Variants in NFKB1 observed in about 807,000 individuals in gnomAD.
The protein encoded by NFKB1 is nuclear factor kappa B subunit 1.
A neutral mutation model predicts 105.1 loss-of-function variants in NFKB1; 9 were observed. The observed-to-expected ratio is 0.09, with a 90% CI of 0.05 to 0.15. NFKB1 has a LOEUF of 0.15. Among genes scored for constraint, NFKB1 ranks in the 10% least tolerant of loss-of-function variants. The probability of loss-of-function intolerance (pLI) is 1.00; values close to 1 mark genes in which losing one functional copy is unlikely to be tolerated. For missense variants in NFKB1, 830 were observed against 1,203.7 expected (o/e 0.69, Z 4.59); for synonymous variants, 440 against 442.2 (o/e 1.00, Z 0.06).
chr4:102,574,317 C>T (rs971472793), intron 6 of NFKB1, among the ~76,000 whole-genome samples: 1 of 152,164 alleles, frequency 6.6e-6, no homozygotes, highest in Non-Finnish European at 1.5e-5. Context: ...GAATTTTCAA[C>T]CTGATGCTCC....
intron 1 of NFKB1, among the ~76,000 whole-genome samples, chr4:102,521,751 G>C (rs1740587660): frequency 6.6e-6 from 1 of 152,140 alleles, no homozygotes; most frequent in Admixed American, 6.5e-5. Flanking sequence ...AGAAGCTCAT[G>C]TGCTACACTT....
At chr4:102,530,373 C>A (rs1741208115) in intron 3 of NFKB1, among the ~76,000 whole-genome samples, 1 of 152,088 alleles carries the variant, frequency 6.6e-6, no homozygotes, top group Non-Finnish European at 1.5e-5. Context: ...AAGCTTATAA[C>A]TTTGCACTCT....
At position 102,524,939 on chromosome 4, in the gene NFKB1, T is replaced by C. The variant is rs565308026; in HGVS notation, c.-7-573T>C. Among the ~76,000 whole-genome samples the C allele has an allele frequency of 3.3e-5, 5 of 152,152 alleles. No homozygotes were observed. The South Asian group carries it at 6.2e-4, about 19-fold the overall frequency. ...CTGGCTTGCCTACTGCTCACCTCTT[T>C]TTGTGCTGCGTTATCCATAGCCCAG... On this transcript the variant is annotated intron_variant, in intron 1 of 23. Transcript: ENST00000226574.
chr4:102,583,072 T>A, intron 10 of NFKB1, 115 bp downstream of exon 10: 1 of 638,042 alleles, frequency 1.6e-6, no homozygotes, highest in Non-Finnish European at 2.6e-6. Context: ...CCCCAACTGT[T>A]GGGCTTGAGG....
At chr4:102,608,658 CT>C (rs11336046) in intron 19 of NFKB1, among the ~76,000 whole-genome samples, 92,703 of 147,030 alleles carry the variant, frequency 0.63, 29,555 homozygotes, top group African/African-American at 0.79. Flanking sequence ...ACTTTAGAGG[CT>C]TTTTTTTTTT....
intron 15 of NFKB1, 113 bp downstream of exon 15, chr4:102,597,774 A>G (rs1433993822): frequency 8.0e-7 from 1 of 1,245,136 alleles, no homozygotes; most frequent in East Asian, 2.5e-5. Flanking sequence ...TGAGTCCTCT[A>G]ACTGGAATGA....
intron 4 of NFKB1, among the ~76,000 whole-genome samples, chr4:102,535,621 T>G (rs1247127891): frequency 6.6e-6 from 1 of 152,162 alleles, no homozygotes; most frequent in Non-Finnish European, 1.5e-5. Flanking sequence ...AAGGCAAAAT[T>G]TTGATCTCAG....
intron 1 of NFKB1, 100 bp from the exon 2 acceptor site, chr4:102,525,412 T>G: frequency 9.2e-7 from 1 of 1,084,178 alleles, no homozygotes. Context: ...TTGGTCTTAC[T>G]GGTATAATAC....
chr4:102,579,092 G>C, intron 8 of NFKB1, 53 bp downstream of exon 8: 1 of 1,564,966 alleles, frequency 6.4e-7, no homozygotes, highest in East Asian at 2.3e-5. Context: ...TTCCAGCCCT[G>C]CCCTGCCATT....
chr4:102,504,048 A>C (rs1739263878), intron 1 of NFKB1, among the ~76,000 whole-genome samples: 1 of 152,208 alleles, frequency 6.6e-6, no homozygotes. Flanking sequence ...TTCTCTGTTC[A>C]GAAGAGGTGA....
At chr4:102,598,390 A>T (rs1726824196) in intron 15 of NFKB1, among the ~76,000 whole-genome samples, 1 of 152,226 alleles carries the variant, frequency 6.6e-6, no homozygotes, top group Non-Finnish European at 1.5e-5. Flanking sequence ...TGCCTTATCT[A>T]AAACCTTCCT....
At position 102,551,367 on chromosome 4, in the gene NFKB1, T is replaced by TGCGCGCGC. The variant is rs10585671; in HGVS notation, c.258+13414_258+13421dup. Among the ~76,000 whole-genome samples the TGCGCGCGC allele has an allele frequency of 6.8e-3, 1,020 of 150,158 alleles. 10 individuals carry two copies. The highest frequency in any genetic ancestry group is 0.022 in the South Asian group (102 of 4,684). On this transcript the variant is annotated intron_variant, in intron 5 of 23. Transcript: ENST00000226574. ...AAATTGGTGTGTGTGTGTGTGTGTG[T>TGCGCGCGC]GCGCGCGCGCATGTGTGTGTGTGTG...
chr4:102,604,757 C>A (rs756128335), intron 16 of NFKB1, among the ~76,000 whole-genome samples: 1 of 151,830 alleles, frequency 6.6e-6, no homozygotes, highest in Non-Finnish European at 1.5e-5. Flanking sequence ...TCACTTATGT[C>A]CTCTTGTGGA....
chr4:102,534,332 T>C (rs1441831096), intron 4 of NFKB1, among the ~76,000 whole-genome samples: 7 of 152,202 alleles, frequency 4.6e-5, no homozygotes, highest in African/African-American at 7.2e-5. Flanking sequence ...CAGCCTTTTC[T>C]GTGCTGCCTT....
chr4:102,510,922 A>T (rs747442981), intron 1 of NFKB1: 2 of 1,285,600 alleles, frequency 1.6e-6, no homozygotes, highest in South Asian at 2.5e-5. Context: ...ACAGAAGCAT[A>T]TCTTGGAGAT....
chr4:102,542,307 GC>G (rs1742046522), intron 5 of NFKB1, among the ~76,000 whole-genome samples: 1 of 152,088 alleles, frequency 6.6e-6, no homozygotes, highest in Non-Finnish European at 1.5e-5. Flanking sequence ...CTTTCACATA[GC>G]TAAGAAGAAA....
In NFKB1 at chr4:102,576,758, A is replaced by AT. The variant is rs1463909230; in HGVS notation, c.408-117dup. On this transcript the variant is annotated intron_variant, in intron 6 of 23. Coordinates refer to ENST00000226574, the MANE Select transcript of NFKB1 (RefSeq NM_003998.4). ...ATGCATGTAGCCCCAAGAGATTTGT[A>AT]TAAAGCATTGAGGGCCTGTGTATTT... is the stretch of plus-strand genomic sequence containing the variant. 3.7e-6 allele frequency: 4 copies of AT among 1,077,210 alleles called. No homozygotes were observed. The African/African-American group carries it at 6.4e-5, about 17-fold the overall frequency. 66.7% of individuals were successfully genotyped at this position (1,077,210 alleles called of 1,614,324 possible).
At position 102,610,626 on chromosome 4, in the gene NFKB1, C is replaced by G. The variant is rs2149227862; in HGVS notation, c.2279C>G (p.Ser760Cys). 7 of 1,614,038 alleles carry G rather than the reference C, an allele frequency of 4.3e-6. No individual in the cohort carries two copies. The highest frequency in any genetic ancestry group is 5.9e-6 in the Non-Finnish European group (7 of 1,179,958). Reference sequence around the variant, plus strand: ...GAGCCTCTCTATGACCTGGATGACTCTTGGGAAAATGCAGGAGAGGATGAA... The same window carrying G: ...GAGCCTCTCTATGACCTGGATGACTGTTGGGAAAATGCAGGAGAGGATGAA... ...NFEPLYDLDD[S>C]WENAGEDEGV... is the part of the protein sequence containing the mutation. The change falls in exon 20 of 24, where the codon TCT (serine) becomes TGT (cysteine). Residue 760 changes from serine to cysteine, a missense_variant. By Grantham distance (112) the Ser-to-Cys change is moderately radical. Transcript: ENST00000226574.
At chr4:102,502,390 G>GCGCGCGCACACACA (rs1311577382) in intron 1 of NFKB1, among the ~76,000 whole-genome samples, 12 of 105,390 alleles carry the variant, frequency 1.1e-4, no homozygotes, top group African/African-American at 5.0e-4. Context: ...GCGCGCGCGC[G>GCGCGCGCACACACA]CACACACACA....
Sources: gnomAD v4.1 joint callset for allele counts (sites outside exome capture counted in the v4.1 genomes callset) on GRCh38, gnomAD v4.1.1 for gene constraint, MANE v1.5 for transcripts, NCBI Gene and HGNC (gene_info 2026-07-23, HGNC 2026-07-21) for gene names.